The following SPECC1 variants were observed in gnomAD, a reference collection of about 807,000 sequenced individuals.
The protein encoded by SPECC1 is cytospin-B.
A neutral mutation model predicts 104.1 loss-of-function variants in SPECC1; 62 were observed. That is an observed-to-expected ratio of 0.60 (90% CI 0.49 to 0.74). The LOEUF (loss-of-function observed/expected upper bound fraction) is 0.74. Ranked by LOEUF, SPECC1 falls within the 30% of genes least tolerant of loss-of-function variation. SPECC1 has a pLI of 0.00. For missense variants in SPECC1, 1,306 were observed against 1,310.5 expected (o/e 1.00, Z 0.05); for synonymous variants, 513 against 501.6 (o/e 1.02, Z -0.30).
chr17:20,290,384 C>T (rs115154270), intron 12 of SPECC1: 291 of 151,686 alleles, frequency 1.9e-3, no homozygotes, highest in African/African-American at 6.8e-3. Flanking sequence ...CTCTGTCACC[C>T]AGGCTGGTGT....
intron 7 of SPECC1, chr17:20,238,853 C>G: frequency 9.6e-7 from 1 of 1,044,854 alleles, no homozygotes; most frequent in Non-Finnish European, 1.2e-6. Context: ...TATCTGTAAG[C>G]ATTTATGAAG....
At chr17:20,284,305 A>G (rs571051102) in intron 12 of SPECC1, among the ~76,000 whole-genome samples, 1 of 152,322 alleles carries the variant, frequency 6.6e-6, no homozygotes, top group South Asian at 2.1e-4. Flanking sequence ...AGAGAGGGGC[A>G]GCCAAAGCTG....
intron 9 of SPECC1, 75 bp from the exon 10 acceptor site, chr17:20,253,430 A>C (rs2039705541): frequency 7.3e-7 from 1 of 1,370,102 alleles, no homozygotes; most frequent in South Asian, 1.2e-5. Flanking sequence ...ACACGCATGC[A>C]CACACACACA....
Position 20,318,530 on chromosome 17 carries a change from G to A in SPECC1, c.*4465G>A, listed in dbSNP as rs545934821. On this transcript the variant is annotated 3_prime_UTR_variant, in exon 15 of 15. Transcript: ENST00000395527. ...CTTCCCTGCTGCCCACAAACGTTAC[G>A]GAGACTCCCTTAGCCTCCCCCTCCT... The A allele has an allele frequency of 1.2e-3, 286 of 230,658 alleles. 1 individual carries two copies. The highest frequency in any genetic ancestry group is 1.9e-3 in the Non-Finnish European group (227 of 116,536). 14.3% of individuals were successfully genotyped at this position (230,658 alleles called of 1,614,324 possible).
intron 1 of SPECC1, among the ~76,000 whole-genome samples, chr17:20,034,179 C>G (rs1409469789): frequency 6.6e-6 from 1 of 151,904 alleles, no homozygotes; most frequent in Admixed American, 6.6e-5. Context: ...CTCACTGCAA[C>G]TTCCACCTCC....
intron 5 of SPECC1, 136 bp downstream of exon 5, chr17:20,227,756 AAATAC>A (rs1350760478): frequency 1.3e-6 from 1 of 762,860 alleles, no homozygotes; most frequent in African/African-American, 1.8e-5. Context: ...TCTCTACTAA[AAATAC>A]AAAATTAGCC....
chr17:20,157,376 GC>G (rs1441478621), intron 3 of SPECC1, among the ~76,000 whole-genome samples: 1 of 152,116 alleles, frequency 6.6e-6, no homozygotes, highest in African/African-American at 2.4e-5. Flanking sequence ...CCAGCTTACT[GC>G]CTAGAGGTGA....
intron 1 of SPECC1, among the ~76,000 whole-genome samples, chr17:20,031,724 C>G (rs775756129): frequency 1.3e-5 from 2 of 152,178 alleles, no homozygotes; most frequent in Non-Finnish European, 2.9e-5. Context: ...TTTGACTACC[C>G]TAGGTATTTC....
chr17:20,040,673 C>T (rs2045287976), intron 1 of SPECC1, among the ~76,000 whole-genome samples: 1 of 152,180 alleles, frequency 6.6e-6, no homozygotes, highest in South Asian at 2.1e-4. Flanking sequence ...TCCTTAATTT[C>T]TGTAAGAAAT....
chr17:20,137,964 C>A (rs2030233135), intron 3 of SPECC1, among the ~76,000 whole-genome samples: 1 of 147,668 alleles, frequency 6.8e-6, no homozygotes, highest in South Asian at 2.1e-4. Flanking sequence ...CGTACCCAGC[C>A]CTTTATTTTA....
chr17:20,026,622 C>T (rs949725584), intron 1 of SPECC1, among the ~76,000 whole-genome samples: 3 of 152,100 alleles, frequency 2.0e-5, no homozygotes, highest in African/African-American at 7.2e-5. Flanking sequence ...TTTCATTCTT[C>T]TTTAATGGCT....
intron 3 of SPECC1, among the ~76,000 whole-genome samples, chr17:20,127,211 T>C (rs925311304): frequency 6.6e-6 from 1 of 152,240 alleles, no homozygotes; most frequent in South Asian, 2.1e-4. Flanking sequence ...AGAATGCAAA[T>C]TGCAGATTTT....
chr17:20,295,330 TC>T (rs1184813025), intron 12 of SPECC1, among the ~76,000 whole-genome samples: 1 of 152,016 alleles, frequency 6.6e-6, no homozygotes, highest in Non-Finnish European at 1.5e-5. Context: ...TTCATCCATG[TC>T]CCTACAAAGG....
chr17:20,122,286 T>C, intron 3 of SPECC1, among the ~76,000 whole-genome samples: 1 of 152,120 alleles, frequency 6.6e-6, no homozygotes, highest in African/African-American at 2.4e-5. Context: ...TGACCCAACC[T>C]CATTTTAAAA....
At chr17:20,041,659 GCT>G (rs1442247464) in intron 1 of SPECC1, among the ~76,000 whole-genome samples, 1 of 91,480 alleles carries the variant, frequency 1.1e-5, no homozygotes, top group African/African-American at 4.0e-5. Flanking sequence ...ACGAAGTCTT[GCT>G]CTGTTGCCCA....
intron 12 of SPECC1, among the ~76,000 whole-genome samples, chr17:20,270,622 G>GAA (rs1182850543): frequency 7.0e-6 from 1 of 143,412 alleles, no homozygotes; most frequent in Non-Finnish European, 1.5e-5. Context: ...CTGTCTCTGG[G>GAA]GAAAAAAAAA....
intron 3 of SPECC1, among the ~76,000 whole-genome samples, chr17:20,157,066 A>G (rs559265706): frequency 2.0e-5 from 3 of 152,134 alleles, no homozygotes; most frequent in East Asian, 3.9e-4. Context: ...TAATATTTGA[A>G]TTTTAATTTG....
At chr17:20,140,778 G>A (rs1345960561) in intron 3 of SPECC1, among the ~76,000 whole-genome samples, 1 of 152,184 alleles carries the variant, frequency 6.6e-6, no homozygotes, top group Admixed American at 6.5e-5. Flanking sequence ...AGTAGAGAGT[G>A]CATAAGAGAG....
intron 3 of SPECC1, among the ~76,000 whole-genome samples, chr17:20,146,044 T>C (rs747316238): frequency 2.6e-5 from 4 of 152,228 alleles, no homozygotes; most frequent in Non-Finnish European, 5.9e-5. Context: ...GTACATTTCT[T>C]GGAATTGATG....
Sources: gnomAD v4.1 joint callset for allele counts (sites outside exome capture counted in the v4.1 genomes callset) on GRCh38, gnomAD v4.1.1 for gene constraint, MANE v1.5 for transcripts, NCBI Gene and HGNC (gene_info 2026-07-23, HGNC 2026-07-21) for gene names.